The following URI1 variants were observed in gnomAD, a reference collection of about 807,000 sequenced individuals.
URI1 encodes URI1 prefoldin like chaperone, also known as unconventional prefoldin RPB5 interactor 1.
In URI1, 39 loss-of-function variants were observed where a neutral mutation model predicts 60.2. The ratio of observed to expected loss-of-function variants is 0.65; its 90% CI spans 0.50 to 0.85. The LOEUF (loss-of-function observed/expected upper bound fraction) is 0.85. Ranked by LOEUF, URI1 falls within the 40% of genes least tolerant of loss-of-function variation. URI1 has a pLI of 0.00. For synonymous variants in URI1, 251 were observed against 236.8 expected (o/e 1.06, Z -0.55); for missense variants, 691 against 665.9 (o/e 1.04, Z -0.42).
chr19:29,951,907 G>A (rs2055185284), intron 1 of URI1, among the ~76,000 whole-genome samples: 2 of 152,138 alleles, frequency 1.3e-5, no homozygotes, highest in African/African-American at 4.8e-5. Context: ...GATGTTCCAG[G>A]CTTGCCCTGT....
At chr19:29,986,564 G>A in intron 4 of URI1, 147 bp downstream of exon 4, 10 of 1,001,154 alleles carry the variant, frequency 1.0e-5, no homozygotes, top group Non-Finnish European at 1.4e-5. Context: ...TAGGTAGTTT[G>A]AGTAGAACCA....
chr19:29,976,915 A>G (rs1483315878), intron 2 of URI1, among the ~76,000 whole-genome samples: 2 of 152,232 alleles, frequency 1.3e-5, no homozygotes, highest in African/African-American at 4.8e-5. Flanking sequence ...TTTAGACATA[A>G]AAGTTCTAAA....
intron 1 of URI1, among the ~76,000 whole-genome samples, chr19:29,964,984 C>T (rs1030220911): frequency 9.9e-5 from 15 of 151,872 alleles, no homozygotes; most frequent in African/African-American, 3.6e-4. Context: ...TTCTTAGTTG[C>T]AAATCATACA....
intron 1 of URI1, among the ~76,000 whole-genome samples, chr19:29,933,743 A>C (rs1230773987): frequency 6.6e-6 from 1 of 151,078 alleles, no homozygotes; most frequent in East Asian, 2.0e-4. Context: ...CATTGCTAGA[A>C]CCCGGGAGGC....
intron 1 of URI1, among the ~76,000 whole-genome samples, chr19:29,928,159 A>G (rs1055728695): frequency 6.6e-6 from 1 of 152,092 alleles, no homozygotes; most frequent in Non-Finnish European, 1.5e-5. Context: ...CCGCAGCTGC[A>G]TGAGCCTCTG....
chr19:29,942,233 C>G, upstream of URI1: 4 of 984,720 alleles, frequency 4.1e-6, no homozygotes, highest in South Asian at 1.4e-4. Flanking sequence ...CCGCGAGAGG[C>G]GGGGCGTGTG....
chr19:29,942,697 G>T (rs1555735896), intron 1 of URI1, 33 bp downstream of exon 1: 1 of 1,345,210 alleles, frequency 7.4e-7, no homozygotes, highest in Non-Finnish European at 9.5e-7. Flanking sequence ...TTCCGCCTCC[G>T]CCCGCCGGGC....
In URI1 at chr19:29,944,140, C is replaced by CATATATATATATATAT. The variant is rs56329506; in HGVS notation, c.117+1514_117+1529dup. Among the ~76,000 whole-genome samples the CATATATATATATATAT allele has an allele frequency of 5.1e-4, 19 of 37,138 alleles. 2 individuals carry two copies. Among genetic ancestry groups the CATATATATATATATAT allele is most frequent in the Non-Finnish European group, 1.0e-3 (12 of 11,816 alleles). 24.4% of individuals were successfully genotyped at this position (37,138 alleles called of 152,430 possible). On this transcript the variant is annotated intron_variant, in intron 1 of 10. Transcript: ENST00000392271. Reference sequence around the variant, plus strand: ...GGCGACAGAGTGAGACCCTGTCATTCATATATATATATATATATATATATA... The same window carrying CATATATATATATATAT: ...GGCGACAGAGTGAGACCCTGTCATTCATATATATATATATATATATATATATATATATATATATATA...
At chr19:29,985,345 A>G (rs1306167264) in intron 3 of URI1, 44 bp downstream of exon 3, 1 of 1,512,658 alleles carries the variant, frequency 6.6e-7, no homozygotes, top group Non-Finnish European at 9.2e-7. Context: ...TGTTTCTTGT[A>G]AACATATTAA....
intron 1 of URI1, among the ~76,000 whole-genome samples, chr19:29,928,202 G>A (rs2054886821): frequency 1.3e-5 from 2 of 152,110 alleles, no homozygotes; most frequent in African/African-American, 2.4e-5. Flanking sequence ...GGCTGGGAGC[G>A]GTGATTTTTG....
chr19:29,939,440 A>C (rs2055002559), upstream of URI1, among the ~76,000 whole-genome samples: 1 of 151,360 alleles, frequency 6.6e-6, no homozygotes, highest in Non-Finnish European at 1.5e-5. Context: ...ACGGCGGCTA[A>C]TTTTTGTATT....
chr19:29,944,185 A>ATATATG (rs1555736103), intron 1 of URI1, among the ~76,000 whole-genome samples: 40 of 100,714 alleles, frequency 4.0e-4, no homozygotes, highest in Non-Finnish European at 6.2e-4. Flanking sequence ...ATATATATAT[A>ATATATG]TATATATAAA....
At position 30,015,871 on chromosome 19, in the gene URI1, G is replaced by T; in HGVS notation, c.*802G>T. 1 of 302,142 alleles carries T rather than the reference G, an allele frequency of 3.3e-6. No individual in the cohort carries two copies. Among genetic ancestry groups the T allele is most frequent in the Admixed American group, 4.9e-5 (1 of 20,210 alleles). The allele number at this position is 302,142 out of a possible 1,614,324, so 18.7% of individuals were successfully genotyped here. On this transcript the variant is annotated 3_prime_UTR_variant, in exon 11 of 11. Coordinates refer to ENST00000392271, the MANE Select transcript of URI1 (RefSeq NM_003796.3). Reference sequence around the variant, plus strand: ...GATTATGTTTTGGGAAACAAGGAAAGGTCTAGATGCTTAAACATTTTAAAT... The same window carrying T: ...GATTATGTTTTGGGAAACAAGGAAATGTCTAGATGCTTAAACATTTTAAAT...
chr19:30,015,584 A>G lies in URI1; in HGVS notation c.*515A>G, dbSNP rs970720361. 9 of 1,532,638 alleles carry G rather than the reference A, an allele frequency of 5.9e-6. No individual in the cohort carries two copies. Among genetic ancestry groups the G allele is most frequent in the African/African-American group, 4.1e-5 (3 of 72,894 alleles). The allele number at this position is 1,532,638 out of a possible 1,614,324, so 94.9% of individuals were successfully genotyped here. A position where few individuals can be genotyped will look rare whatever the true frequency, so the allele number is the denominator to read the frequency against. ...AAGAAACCTCGCCCCTCTGAATGTC[A>G]TACTGTAATCTTTAAGGAAGAAAGC... On this transcript the variant is annotated 3_prime_UTR_variant, in exon 11 of 11. Coordinates refer to ENST00000392271, the MANE Select transcript of URI1 (RefSeq NM_003796.3).
intron 4 of URI1, among the ~76,000 whole-genome samples, chr19:29,989,106 A>G (rs1327856215): frequency 1.3e-5 from 2 of 151,320 alleles, no homozygotes; most frequent in East Asian, 3.9e-4. Context: ...TGGGTTATAT[A>G]TGCTTTTTTT....
intron 4 of URI1, among the ~76,000 whole-genome samples, chr19:29,993,573 A>G (rs917106441): frequency 6.6e-5 from 10 of 152,200 alleles, no homozygotes; most frequent in African/African-American, 2.2e-4. Context: ...AGTGGGTGAT[A>G]AGACGTTAGC....
chr19:29,954,725 C>T (rs2055222322), intron 1 of URI1, among the ~76,000 whole-genome samples: 1 of 151,892 alleles, frequency 6.6e-6, no homozygotes, highest in Non-Finnish European at 1.5e-5. Flanking sequence ...ACCATGTTCG[C>T]CAGGGTGGTT....
At chr19:29,968,342 T>C (rs1396333761) in intron 1 of URI1, among the ~76,000 whole-genome samples, 1 of 152,108 alleles carries the variant, frequency 6.6e-6, no homozygotes, top group Non-Finnish European at 1.5e-5. Flanking sequence ...GACAACAAAG[T>C]AATGAAATGT....
At chr19:30,012,698 C>T in intron 10 of URI1, 167 bp downstream of exon 10, 1 of 810,296 alleles carries the variant, frequency 1.2e-6, no homozygotes, top group Middle Eastern at 3.9e-4. Flanking sequence ...TTGTGATAAT[C>T]AAATAGTTTA....
Sources: gnomAD v4.1 joint callset for allele counts (sites outside exome capture counted in the v4.1 genomes callset) on GRCh38, gnomAD v4.1.1 for gene constraint, MANE v1.5 for transcripts, NCBI Gene and HGNC (gene_info 2026-07-23, HGNC 2026-07-21) for gene names.